The following FOXK1 variants were observed in gnomAD, a reference collection of about 807,000 sequenced individuals.
FOXK1 encodes forkhead box K1, also known as forkhead box protein K1.
FOXK1 carries 19 observed loss-of-function variants against 51.9 expected under a neutral mutation model. The observed-to-expected ratio is 0.37, with a 90% CI of 0.26 to 0.54. The LOEUF is 0.54. Among genes scored for constraint, FOXK1 ranks in the 20% least tolerant of loss-of-function variants. The pLI is 0.87. For synonymous variants in FOXK1, 537 were observed against 482.6 expected (o/e 1.11, Z -1.48); for missense variants, 870 against 1,032.7 (o/e 0.84, Z 2.16).
chr7:4,737,047 CTGTGCGTGTGTGTGCA>C (rs1457908242), intron 1 of FOXK1, among the ~76,000 whole-genome samples: 1 of 152,208 alleles, frequency 6.6e-6, no homozygotes, highest in Non-Finnish European at 1.5e-5. Flanking sequence ...TGCTCCTCTT[CTGTGCGTGTGTGTGCA>C]TGTGCGTGTG....
In FOXK1 at chr7:4,748,170, C is replaced by G. The variant is rs1253431977; in HGVS notation, c.747-6289C>G. Among the ~76,000 whole-genome samples, 2 of 152,122 alleles carry G rather than the reference C, an allele frequency of 1.3e-5. No individual in the cohort carries two copies. Among genetic ancestry groups the G allele is most frequent in the Non-Finnish European group, 2.9e-5 (2 of 68,034 alleles). ...CTATCTATATGCATCTTACAAAATG[C>G]AAACATTTCAGAAAGTGAAAATTCC... On this transcript the variant is annotated intron_variant, in intron 2 of 8. Transcript: ENST00000328914. The surrounding 1 kb of genome is among the most constrained non-coding windows in gnomAD (Gnocchi z 4.9).
chr7:4,755,251 G>T lies in FOXK1; in HGVS notation c.918G>T (p.Pro306=), dbSNP rs769739198. 1 of 1,613,908 alleles carries T rather than the reference G, an allele frequency of 6.2e-7. No individual in the cohort carries two copies. Among genetic ancestry groups the T allele is most frequent in the Non-Finnish European group, 8.5e-7 (1 of 1,179,994 alleles). ...TTTCTCCGCAGGATGAGTCAAAGCC[G>T]CCGTTCTCCTACGCGCAGCTGATCG... The part of the protein sequence containing the change: ...GGDSPKDESK[P]PFSYAQLIVQ... The change falls in exon 4 of 9, where the codon CCG becomes CCT. Residue 306 remains proline (P), a synonymous_variant. Coordinates refer to ENST00000328914, the MANE Select transcript of FOXK1 (RefSeq NM_001037165.2). The surrounding 1 kb of genome is among the most constrained non-coding windows in gnomAD (Gnocchi z 6.6).
Position 4,735,857 on chromosome 7 carries a change from T to C in FOXK1, c.561-4981T>C, listed in dbSNP as rs1780545937. Among the ~76,000 whole-genome samples the C allele has an allele frequency of 1.3e-5, 2 of 152,100 alleles. No homozygotes were observed. Among genetic ancestry groups the C allele is most frequent in the African/African-American group, 4.8e-5 (2 of 41,418 alleles). ...ACTCCCTGAGCATGCTGGGGAAACA[T>C]CTATTTAAAAATCAAGCCAGGTGCA... On this transcript the variant is annotated intron_variant, in intron 1 of 8. Coordinates refer to ENST00000328914, the MANE Select transcript of FOXK1 (RefSeq NM_001037165.2). This position sits in a 1 kb window ranked among gnomAD's most constrained non-coding sequence, Gnocchi z 4.7.
At chr7:4,687,100 T>C (rs1779829546) in intron 1 of FOXK1, among the ~76,000 whole-genome samples, 1 of 151,510 alleles carries the variant, frequency 6.6e-6, no homozygotes, top group Non-Finnish European at 1.5e-5. Flanking sequence ...GCCCAGCTAA[T>C]TTTTTGTATT....
intron 1 of FOXK1, among the ~76,000 whole-genome samples, chr7:4,718,176 G>A (rs780185788): frequency 6.6e-6 from 1 of 152,178 alleles, no homozygotes; most frequent in African/African-American, 2.4e-5. Flanking sequence ...CTCCTCCGAC[G>A]CGTCCATCAG....
chr7:4,741,100 C>T lies in FOXK1; in HGVS notation c.746+77C>T, dbSNP rs568973442. 224 of 1,062,694 alleles carry T rather than the reference C, an allele frequency of 2.1e-4. No homozygotes were observed. In the African/African-American group the frequency reaches 3.4e-3, roughly 16 times the overall value. 65.8% of individuals were successfully genotyped at this position (1,062,694 alleles called of 1,614,324 possible). On this transcript the variant is annotated intron_variant, in intron 2 of 8. Coordinates refer to ENST00000328914, the MANE Select transcript of FOXK1 (RefSeq NM_001037165.2). ...GCGAGCGTGCCTGTCGTACGCAGCA[C>T]CGGGTTCCAAATCTCTCTGGAAAGT... is the stretch of plus-strand genomic sequence containing the variant.
intron 1 of FOXK1, among the ~76,000 whole-genome samples, chr7:4,700,537 C>T (rs936341822): frequency 5.9e-5 from 9 of 152,126 alleles, no homozygotes; most frequent in African/African-American, 1.7e-4. Flanking sequence ...TGTGGTGGCT[C>T]AGTGGGATTA....
At chr7:4,718,548 G>A (rs1780267657) in intron 1 of FOXK1, among the ~76,000 whole-genome samples, 1 of 152,174 alleles carries the variant, frequency 6.6e-6, no homozygotes, top group Non-Finnish European at 1.5e-5. Context: ...AAATACAATA[G>A]CTGCTGTGAG....
intron 1 of FOXK1, 72 bp from the exon 2 acceptor site, chr7:4,740,766 C>CAA (rs1309242820): frequency 1.5e-5 from 22 of 1,472,886 alleles, no homozygotes; most frequent in Non-Finnish European, 1.9e-5. Flanking sequence ...CACAGACACG[C>CAA]ACCTTCCCTG....
intron 1 of FOXK1, among the ~76,000 whole-genome samples, chr7:4,708,413 A>T (rs61265221): frequency 0.06 from 9,209 of 152,248 alleles, 457 homozygotes; most frequent in African/African-American, 0.14. Flanking sequence ...AAGGTAAATC[A>T]GAGTGGATCT....
chr7:4,718,905 G>A (rs1454902006), intron 1 of FOXK1, among the ~76,000 whole-genome samples: 1 of 152,196 alleles, frequency 6.6e-6, no homozygotes, highest in Non-Finnish European at 1.5e-5. Flanking sequence ...CGCCTCCGGG[G>A]TTCAAGCGAT....
At chr7:4,739,355 G>C (rs1283379253) in intron 1 of FOXK1, among the ~76,000 whole-genome samples, 2 of 152,224 alleles carry the variant, frequency 1.3e-5, no homozygotes, top group African/African-American at 4.8e-5. Context: ...TGCGCAGGCG[G>C]CCAGCGTTCC....
At position 4,722,923 on chromosome 7, in the gene FOXK1, G is replaced by A. The variant is rs1780333343; in HGVS notation, c.561-17915G>A. On this transcript the variant is annotated intron_variant, in intron 1 of 8. Transcript: ENST00000328914. This position sits in a 1 kb window ranked among gnomAD's most constrained non-coding sequence, Gnocchi z 5.1. Reference sequence around the variant, plus strand: ...GGCAGAGCTGTTGATGGAAGAGGGTGTGGTCAGAGGCAGGGCAGTTATTGT... The same window carrying A: ...GGCAGAGCTGTTGATGGAAGAGGGTATGGTCAGAGGCAGGGCAGTTATTGT... Among the ~76,000 whole-genome samples the A allele has an allele frequency of 6.6e-6, 1 of 152,120 alleles. No homozygotes were observed. The highest frequency in any genetic ancestry group is 2.1e-4 in the South Asian group (1 of 4,810).
At chr7:4,751,681 G>C (rs1780780750) in intron 2 of FOXK1, among the ~76,000 whole-genome samples, 1 of 152,238 alleles carries the variant, frequency 6.6e-6, no homozygotes, top group African/African-American at 2.4e-5. Flanking sequence ...GAGACGGGCT[G>C]CTCCGAGGGC....
At chr7:4,737,127 T>C (rs1780562996) in intron 1 of FOXK1, among the ~76,000 whole-genome samples, 1 of 152,022 alleles carries the variant, frequency 6.6e-6, no homozygotes, top group Non-Finnish European at 1.5e-5. Flanking sequence ...AACCCCGATC[T>C]CCAGGATCCC....
rs1780227477 is a variant in FOXK1 at position 4,715,891 on chromosome 7, T to G, written c.561-24947T>G. ...GGTCACAGGATGGCCGTTGCTGAAC[T>G]TCAACATTGGCCACCAATATCTGCT... On this transcript the variant is annotated intron_variant, in intron 1 of 8. Coordinates refer to ENST00000328914, the MANE Select transcript of FOXK1 (RefSeq NM_001037165.2). The surrounding 1 kb of genome is among the most constrained non-coding windows in gnomAD (Gnocchi z 4.5). Among the ~76,000 whole-genome samples the G allele has an allele frequency of 6.6e-6, 1 of 152,226 alleles. No homozygotes were observed. The highest frequency in any genetic ancestry group is 1.5e-5 in the Non-Finnish European group (1 of 68,040).
At chr7:4,695,920 G>A (rs1332004661) in intron 1 of FOXK1, among the ~76,000 whole-genome samples, 3 of 144,294 alleles carry the variant, frequency 2.1e-5, no homozygotes, top group Non-Finnish European at 4.5e-5. Flanking sequence ...TGGGCAACAA[G>A]AGCGAAACTC....
At chr7:4,684,561 T>C (rs966328579) in intron 1 of FOXK1, among the ~76,000 whole-genome samples, 7 of 152,172 alleles carry the variant, frequency 4.6e-5, no homozygotes, top group African/African-American at 1.7e-4. Flanking sequence ...GATATTAGTG[T>C]GTTCTCTCTC....
At position 4,761,155 on chromosome 7, in the gene FOXK1, C is replaced by T. The variant is rs762904756; in HGVS notation, c.1788C>T (p.Val596=). Residue 596 remains valine, a synonymous_variant, in exon 8 of 9, where the codon GTC becomes GTT. Transcript: ENST00000328914. This position sits in a 1 kb window ranked among gnomAD's most constrained non-coding sequence, Gnocchi z 6.2. Reference sequence around the variant, plus strand: ...TGGCCAGCCAGATGGCCCCCGGGGTCCCCGGACACACGGTCACCATCCTGC... The same window carrying T: ...TGGCCAGCCAGATGGCCCCCGGGGTTCCCGGACACACGGTCACCATCCTGC... ...QTVASQMAPG[V]PGHTVTILQP... 6.2e-7 allele frequency: 1 copy of T among 1,612,794 alleles called. No homozygotes were observed. The highest frequency in any genetic ancestry group is 8.5e-7 in the Non-Finnish European group (1 of 1,180,020).
Sources: allele counts gnomAD v4.1 joint callset (sites outside exome capture counted in the v4.1 genomes callset), GRCh38; gene constraint gnomAD v4.1.1; non-coding constraint Gnocchi (gnomAD v3.1); transcripts MANE v1.5; gene names NCBI Gene and HGNC (gene_info 2026-07-23, HGNC 2026-07-21).